Variants in ZBTB1 observed in about 807,000 individuals in gnomAD.
ZBTB1 encodes the protein zinc finger and BTB domain-containing protein 1.
ZBTB1 carries 13 observed loss-of-function variants against 51.6 expected under a neutral mutation model. The observed-to-expected ratio is 0.25, with a 90% CI of 0.16 to 0.40. The LOEUF is 0.40. Ranked by LOEUF, ZBTB1 falls within the 10% of genes least tolerant of loss-of-function variation. ZBTB1 has a pLI of 1.00. For missense variants in ZBTB1, 567 were observed against 856.5 expected (o/e 0.66, Z 4.22); for synonymous variants, 240 against 282.2 (o/e 0.85, Z 1.50).
exon 3 of ZBTB1, chr14:64,533,369 A>G (rs2079957724): frequency 6.6e-6 from 1 of 152,546 alleles, no homozygotes; most frequent in Non-Finnish European, 1.5e-5. Flanking sequence ...ACCTCTAAAC[A>G]TAAGTAGGAA....
In ZBTB1 at chr14:64,524,409, A is replaced by C; in HGVS notation, c.*763A>C. ...GATATTAAATTTAACTATGATAGTT[A>C]ATTAAAAAGACATATCTTGTATTCA... is the stretch of plus-strand genomic sequence containing the variant. On this transcript the variant is annotated 3_prime_UTR_variant, in exon 2 of 2. Coordinates refer to ENST00000683701, the MANE Select transcript of ZBTB1 (RefSeq NM_001123329.2). 1 of 793,658 alleles carries C rather than the reference A, an allele frequency of 1.3e-6. No homozygotes were observed. Among genetic ancestry groups the C allele is most frequent in the African/African-American group, 1.9e-5 (1 of 53,452 alleles). The allele number at this position is 793,658 out of a possible 1,614,324, so 49.2% of individuals were successfully genotyped here.
At position 64,523,930 on chromosome 14, in the gene ZBTB1, T is replaced by A; in HGVS notation, c.*284T>A. The A allele has an allele frequency of 9.3e-7, 1 of 1,075,068 alleles. No individual in the cohort carries two copies. Among genetic ancestry groups the A allele is most frequent in the Non-Finnish European group, 1.1e-6 (1 of 879,182 alleles). The allele number at this position is 1,075,068 out of a possible 1,614,324, so 66.6% of individuals were successfully genotyped here. On this transcript the variant is annotated 3_prime_UTR_variant, in exon 2 of 2. Coordinates refer to ENST00000683701, the MANE Select transcript of ZBTB1 (RefSeq NM_001123329.2). This position sits in a 1 kb window ranked among gnomAD's most constrained non-coding sequence, Gnocchi z 4.5. ...AAGTGGTTGTTACCCATTCAATGAC[T>A]ATTAAACTTTAGTTTTTCATCAATA... is the stretch of plus-strand genomic sequence containing the variant.
At chr14:64,526,882 A>G (rs111956185), downstream of ZBTB1, among the ~76,000 whole-genome samples, 26 of 152,108 alleles carry the variant, frequency 1.7e-4, 1 homozygote, top group African/African-American at 5.3e-4. Context: ...TCTCTAAAAA[A>G]AAAATTTGTT....
At position 64,524,119 on chromosome 14, in the gene ZBTB1, C is replaced by A; in HGVS notation, c.*473C>A. 1 of 984,274 alleles carries A rather than the reference C, an allele frequency of 1.0e-6. No homozygotes were observed. The highest frequency in any genetic ancestry group is 4.7e-5 in the South Asian group (1 of 21,260). 61.0% of individuals were successfully genotyped at this position (984,274 alleles called of 1,614,324 possible). A position where few individuals can be genotyped will look rare whatever the true frequency, so the allele number is the denominator to read the frequency against. Reference sequence around the variant, plus strand: ...TTTAGTGAGTTAACTACTCTTTATTCCCCCTTATTAATGAAATTCATATTC... The same window carrying A: ...TTTAGTGAGTTAACTACTCTTTATTACCCCTTATTAATGAAATTCATATTC... On this transcript the variant is annotated 3_prime_UTR_variant, in exon 2 of 2. Transcript: ENST00000683701.
chr14:64,509,710 G>C (rs931467758), intron 1 of ZBTB1, among the ~76,000 whole-genome samples: 2 of 151,636 alleles, frequency 1.3e-5, no homozygotes, highest in South Asian at 2.1e-4. Context: ...GGTGGCTCAC[G>C]CTTGTAATCC....
In ZBTB1 at chr14:64,524,361, G is replaced by C. The variant is rs901760078; in HGVS notation, c.*715G>C. 4.2e-5 allele frequency: 37 copies of C among 891,102 alleles called. No homozygotes were observed. Among genetic ancestry groups the C allele is most frequent in the Non-Finnish European group, 5.0e-5 (37 of 744,368 alleles). The allele number at this position is 891,102 out of a possible 1,614,324, so 55.2% of individuals were successfully genotyped here. ...GCTTTACCTCACTTGAAAAATTAGT[G>C]GGGATAAGCCATTTTGTTTTGTGAT... is the stretch of plus-strand genomic sequence containing the variant. On this transcript the variant is annotated 3_prime_UTR_variant, in exon 2 of 2. Transcript: ENST00000683701.
At chr14:64,510,990 A>G (rs144770659) in intron 1 of ZBTB1, among the ~76,000 whole-genome samples, 2 of 152,328 alleles carry the variant, frequency 1.3e-5, no homozygotes, top group East Asian at 3.9e-4. Flanking sequence ...AAAATTGGCA[A>G]CACTTAATGG....
In ZBTB1 at chr14:64,523,557, C is replaced by A. The variant is rs2079880145; in HGVS notation, c.2053C>A (p.Leu685Met). The A allele has an allele frequency of 6.4e-7, 1 of 1,565,208 alleles. No individual in the cohort carries two copies. The highest frequency in any genetic ancestry group is 8.7e-7 in the Non-Finnish European group (1 of 1,154,298). The change falls in exon 2 of 2, where the codon CTG (leucine) becomes ATG (methionine). Residue 685 changes from leucine to methionine, a missense_variant. Around this residue, in one of 5 missense-constraint regions of ZBTB1, gnomAD observed 69 missense variants for 171.8 expected, o/e 0.40. Coordinates refer to ENST00000683701, the MANE Select transcript of ZBTB1 (RefSeq NM_001123329.2). This position sits in a 1 kb window ranked among gnomAD's most constrained non-coding sequence, Gnocchi z 4.5. Reference protein sequence around the residue: ...EQLEQHMDVHLYTCGICGAKF... With the variant: ...EQLEQHMDVHMYTCGICGAKF... ...GTTGGAGCAGCACATGGATGTTCAT[C>A]TGTATACATGTGGAATATGTGGAGC...
At chr14:64,531,448 T>A (rs923308567) in intron 2 of ZBTB1, among the ~76,000 whole-genome samples, 1 of 152,146 alleles carries the variant, frequency 6.6e-6, no homozygotes, top group Non-Finnish European at 1.5e-5. Context: ...GTAAAAAGAA[T>A]ATGAACTTTA....
chr14:64,504,731 GGTGCGGCAGGCGCGGCT>G (rs2079610371), upstream of ZBTB1: 4 of 373,374 alleles, frequency 1.1e-5, no homozygotes, highest in East Asian at 1.5e-4. Flanking sequence ...GGCTCAGTGC[GGTGCGGCAGGCGCGGCT>G]GTGCGGCAGC....
At chr14:64,505,840 G>T (rs1228484001) in intron 1 of ZBTB1, among the ~76,000 whole-genome samples, 1 of 152,194 alleles carries the variant, frequency 6.6e-6, no homozygotes, top group African/African-American at 2.4e-5. Context: ...TTCTTCATTG[G>T]TGTTAGTGTA....
chr14:64,521,954 T>C lies in ZBTB1; in HGVS notation c.450T>C (p.Ala150=), dbSNP rs1309711481. ...FGVRMYEDTV[A]RNGNEANRWC... ...TAAGAATGTATGAAGATACTGTGGC[T>C]CGAAATGGCAATGAAGCCAACAGGT... is the stretch of plus-strand genomic sequence containing the variant. The change falls in exon 2 of 2, where the codon GCT becomes GCC. Residue 150 remains alanine (A), a synonymous_variant. Transcript: ENST00000683701. 6.2e-7 allele frequency: 1 copy of C among 1,614,078 alleles called. No homozygotes were observed. The highest frequency in any genetic ancestry group is 8.5e-7 in the Non-Finnish European group (1 of 1,180,042).
Position 64,504,803 on chromosome 14 carries a change from C to G in ZBTB1, c.-162C>G. On this transcript the variant is annotated 5_prime_UTR_variant, in exon 1 of 2. Coordinates refer to ENST00000683701, the MANE Select transcript of ZBTB1 (RefSeq NM_001123329.2). Reference sequence around the variant, plus strand: ...ACAGTCCCTGGCAGAGCCAGAGCCTCTCCGCGCAGCCCAGCCCGAGCGCCG... The same window carrying G: ...ACAGTCCCTGGCAGAGCCAGAGCCTGTCCGCGCAGCCCAGCCCGAGCGCCG... 2.6e-6 allele frequency: 1 copy of G among 386,822 alleles called. No individual in the cohort carries two copies. Among genetic ancestry groups the G allele is most frequent in the Non-Finnish European group, 4.6e-6 (1 of 218,326 alleles). The allele number at this position is 386,822 out of a possible 1,614,324, so 24.0% of individuals were successfully genotyped here.
intron 1 of ZBTB1, among the ~76,000 whole-genome samples, chr14:64,506,062 T>G (rs1415385740): frequency 6.6e-6 from 1 of 152,210 alleles, no homozygotes; most frequent in Admixed American, 6.5e-5. Flanking sequence ...CAGATAGATA[T>G]GATGTGGAGA....
rs544327224 is a variant in ZBTB1, at chr14:64,530,122, G to A, written c.1899-1739G>A. On this transcript the variant is annotated intron_variant, in intron 2 of 2. Coordinates refer to the ZBTB1 transcript ENST00000358738. The stretch of plus-strand genomic sequence containing the variant: ...ATCTAATATTATTTTAACTTTATGC[G>A]TCTATTACCTTATTTCTATACTACT... Among the ~76,000 whole-genome samples the A allele has an allele frequency of 6.5e-4, 99 of 152,158 alleles. 1 individual carries two copies. The South Asian group carries it at 0.011, about 16-fold the overall frequency.
downstream of ZBTB1, among the ~76,000 whole-genome samples, chr14:64,525,591 T>C (rs774609728): frequency 2.5e-4 from 38 of 152,168 alleles, no homozygotes; most frequent in Non-Finnish European, 2.9e-4. Flanking sequence ...CATCAAAATT[T>C]TTCTTGCAGT....
intron 1 of ZBTB1, 180 bp downstream of exon 1, chr14:64,505,126 C>G (rs1268780216): frequency 2.9e-6 from 1 of 344,330 alleles, no homozygotes; most frequent in Non-Finnish European, 5.2e-6. Flanking sequence ...CTGCTTGTTG[C>G]CGGCGCGTCA....
chr14:64,517,535 A>G (rs1278026464), intron 1 of ZBTB1, among the ~76,000 whole-genome samples: 1 of 151,890 alleles, frequency 6.6e-6, no homozygotes, highest in East Asian at 1.9e-4. Flanking sequence ...GTCTCTCTGA[A>G]TCCTAGAAAA....
intron 1 of ZBTB1, among the ~76,000 whole-genome samples, chr14:64,507,046 A>G (rs1309375382): frequency 6.6e-6 from 1 of 152,110 alleles, no homozygotes; most frequent in East Asian, 1.9e-4. Flanking sequence ...TGTGCAGGAG[A>G]AAAGAAGTAC....
Sources: allele counts gnomAD v4.1 joint callset (sites outside exome capture counted in the v4.1 genomes callset), GRCh38; gene constraint gnomAD v4.1.1; regional missense constraint gnomAD v4.1.1; non-coding constraint Gnocchi (gnomAD v3.1); transcripts MANE v1.5; gene names NCBI Gene and HGNC (gene_info 2026-07-23, HGNC 2026-07-21).